MACF1: variants seen among roughly 807,000 people sequenced by gnomAD.
MACF1 encodes microtubule-actin cross-linking factor 1.
In MACF1, 193 loss-of-function variants were observed where a neutral mutation model predicts 854.8. The ratio of observed to expected loss-of-function variants is 0.23; its 90% CI spans 0.20 to 0.25. The LOEUF (loss-of-function observed/expected upper bound fraction) is 0.25. MACF1 is among the 10% of genes least tolerant of loss of function. MACF1 has a pLI of 1.00. For synonymous variants in MACF1, 3,185 were observed against 3,226.7 expected, an observed-to-expected ratio of 0.99 and a Z score of 0.44; for missense variants, 7,722 against 8,929.1, an observed-to-expected ratio of 0.86 and a Z score of 5.45.
chr1:39,475,549 AC>A (rs1441811502), intron 97 of MACF1, among the ~76,000 whole-genome samples: 2 of 151,540 alleles, frequency 1.3e-5, no homozygotes, highest in Non-Finnish European at 2.9e-5. Flanking sequence ...AAACAAGGAG[AC>A]CAGTAGGAAG....
chr1:39,481,883 T>C (rs139144248), intron 99 of MACF1, among the ~76,000 whole-genome samples: 7 of 152,142 alleles, frequency 4.6e-5, no homozygotes, highest in African/African-American at 9.7e-5. Flanking sequence ...AGCTGCTGTT[T>C]TGAGGTTCAT....
intron 1 of MACF1, among the ~76,000 whole-genome samples, chr1:39,216,479 A>G (rs554737134): frequency 1.6e-4 from 25 of 152,328 alleles, no homozygotes; most frequent in Admixed American, 1.4e-3. Context: ...GCAGATTTTC[A>G]TTAAAATTGA....
chr1:39,158,780 G>A (rs528149180), intron 2 of MACF1, among the ~76,000 whole-genome samples: 2 of 152,206 alleles, frequency 1.3e-5, no homozygotes, highest in African/African-American at 4.8e-5. Flanking sequence ...ACAAATGAGG[G>A]CGCTCAAAAG....
intron 85 of MACF1, 132 bp from the exon 86 acceptor site, chr1:39,452,024 T>A: frequency 1.3e-6 from 1 of 749,260 alleles, no homozygotes. Context: ...TTTTTTCTTA[T>A]GCATTGCTCT....
chr1:39,237,193 G>A (rs1394654047), intron 2 of MACF1, among the ~76,000 whole-genome samples: 6 of 152,238 alleles, frequency 3.9e-5, no homozygotes, highest in South Asian at 2.1e-4. Context: ...TAGAATGCAC[G>A]TCCCAGCCTC....
rs1644115157 is a variant in MACF1, at chr1:39,441,445, G to A, written c.18672+120G>A. 2.0e-5 allele frequency: 15 copies of A among 751,920 alleles called. No individual in the cohort carries two copies. The South Asian group carries it at 2.5e-4, about 13-fold the overall frequency. 46.6% of individuals were successfully genotyped at this position (751,920 alleles called of 1,614,324 possible). A position where few individuals can be genotyped will look rare whatever the true frequency, so the allele number is the denominator to read the frequency against. The stretch of plus-strand genomic sequence containing the variant: ...CACAGGACTGCAGACCTAAGATAGT[G>A]GTGTTTCCACAAATTTAGCCAAAGT... On this transcript the variant is annotated intron_variant, in intron 74 of 100. Coordinates refer to ENST00000564288, the MANE Select transcript of MACF1 (RefSeq NM_001394062.1).
At chr1:39,201,921 C>T (rs1457462522), upstream of MACF1, among the ~76,000 whole-genome samples, 4 of 140,662 alleles carry the variant, frequency 2.8e-5, no homozygotes. Context: ...CTTATCCATT[C>T]TCCAGATAGC....
intron 2 of MACF1, among the ~76,000 whole-genome samples, chr1:39,232,223 C>T (rs1269685939): frequency 6.6e-6 from 1 of 151,516 alleles, no homozygotes; most frequent in East Asian, 1.9e-4. Context: ...AACAGTATGA[C>T]TACTGTGGCA....
rs527380983 is a variant in MACF1, at chr1:39,215,810, T to A, written c.109+10679T>A. On this transcript the variant is annotated intron_variant, in intron 1 of 100. Transcript: ENST00000564288. ...ACCTCTGAGCAGACTGGCGGGAGGA[T>A]GGGGGGTGGGAGGGAGGAGTCATGG... Among the ~76,000 whole-genome samples the A allele has an allele frequency of 2.1e-4, 29 of 136,196 alleles. No individual in the cohort carries two copies. In the South Asian group the frequency reaches 6.3e-3, roughly 29 times the overall value. 89.3% of individuals were successfully genotyped at this position (136,196 alleles called of 152,430 possible).
intron 69 of MACF1, 30 bp from the exon 70 acceptor site, chr1:39,435,528 T>C: frequency 6.5e-7 from 1 of 1,546,018 alleles, no homozygotes; most frequent in Non-Finnish European, 8.9e-7. Flanking sequence ...ATAAAAGTAC[T>C]CATTATGGTT....
intron 84 of MACF1, among the ~76,000 whole-genome samples, chr1:39,450,104 C>T (rs1282774051): frequency 6.6e-6 from 1 of 151,938 alleles, no homozygotes; most frequent in East Asian, 1.9e-4. Flanking sequence ...CCTCATGATC[C>T]ACCTGCCTCG....
chr1:39,358,586 T>C (rs1647800130), intron 45 of MACF1, 111 bp from the exon 46 acceptor site: 3 of 967,586 alleles, frequency 3.1e-6, no homozygotes, highest in South Asian at 1.4e-5. Context: ...AATACCCTTA[T>C]CTGAAGTTAC....
rs1425798837 is a variant in MACF1, at chr1:39,434,443, T to C, written c.17595T>C (p.Tyr5865=). Reference sequence around the variant, plus strand: ...AGACAGAGTCTCTAATACAGCAATATGAAGCCATTAGCCTACTCAATTCAG... The same window carrying C: ...AGACAGAGTCTCTAATACAGCAATACGAAGCCATTAGCCTACTCAATTCAG... ...QEKTESLIQQ[Y]EAISLLNSER... is the part of the protein sequence containing the mutation. Residue 5865 remains tyrosine (Y), a synonymous_variant, in exon 69 of 101, where the codon TAT becomes TAC. Transcript: ENST00000564288. 6.2e-7 allele frequency: 1 copy of C among 1,608,844 alleles called. No homozygotes were observed. The highest frequency in any genetic ancestry group is 1.7e-5 in the Admixed American group (1 of 59,700).
At chr1:39,428,721 T>C (rs1468556931) in intron 63 of MACF1, among the ~76,000 whole-genome samples, 1 of 152,242 alleles carries the variant, frequency 6.6e-6, no homozygotes, top group Admixed American at 6.5e-5. Context: ...GGATTCTGTG[T>C]CATCTTAATA....
At chr1:39,310,550 G>A (rs1049138866) in intron 25 of MACF1, 122 bp downstream of exon 25, 16 of 1,071,620 alleles carry the variant, frequency 1.5e-5, no homozygotes, top group South Asian at 6.9e-5. Context: ...GAGTAGCTAC[G>A]AACTTGAGAT....
chr1:39,173,937 T>C (rs1457443324), intron 2 of MACF1, among the ~76,000 whole-genome samples: 1 of 152,224 alleles, frequency 6.6e-6, no homozygotes, highest in Non-Finnish European at 1.5e-5. Context: ...CTCTTTTTTT[T>C]TTCTTAAGCT....
intron 47 of MACF1, among the ~76,000 whole-genome samples, chr1:39,359,627 C>T (rs1647887702): frequency 1.3e-5 from 2 of 151,978 alleles, no homozygotes; most frequent in Non-Finnish European, 2.9e-5. Flanking sequence ...CTTGCCCATG[C>T]TTCAAGATGT....
At chr1:39,185,778 G>A (rs193279493) in intron 2 of MACF1, among the ~76,000 whole-genome samples, 4 of 152,208 alleles carry the variant, frequency 2.6e-5, no homozygotes, top group South Asian at 2.1e-4. Context: ...TGGACTTTCC[G>A]GGGGCTTAGT....
chr1:39,283,625 A>G lies in MACF1; in HGVS notation c.915+110A>G. ...TGGTATACTCATGGTATCAAACTAT[A>G]TATCCAGTATCTTTATCATACATGG... is the stretch of plus-strand genomic sequence containing the variant. On this transcript the variant is annotated intron_variant, in intron 9 of 100. Coordinates refer to ENST00000564288, the MANE Select transcript of MACF1 (RefSeq NM_001394062.1). The surrounding 1 kb of genome is among the most constrained non-coding windows in gnomAD (Gnocchi z 4.5). The G allele has an allele frequency of 1.4e-6, 1 of 739,680 alleles. No homozygotes were observed. The highest frequency in any genetic ancestry group is 1.7e-5 in the South Asian group (1 of 59,198). The allele number at this position is 739,680 out of a possible 1,614,324, so 45.8% of individuals were successfully genotyped here.
Sources: gnomAD v4.1 joint callset for allele counts (sites outside exome capture counted in the v4.1 genomes callset) on GRCh38, gnomAD v4.1.1 for gene constraint, Gnocchi (gnomAD v3.1) non-coding constraint, MANE v1.5 for transcripts, NCBI Gene and HGNC (gene_info 2026-07-23, HGNC 2026-07-21) for gene names.